Variants in NFASC observed in about 807,000 individuals in gnomAD.
NFASC encodes the protein neurofascin, also known as neurofascin homolog.
In NFASC, 43 loss-of-function variants were observed where a neutral mutation model predicts 147.5. The ratio of observed to expected loss-of-function variants is 0.29; its 90% CI spans 0.23 to 0.38. The LOEUF (loss-of-function observed/expected upper bound fraction) is 0.38, where lower values mean the gene tolerates loss of function less well. Ranked by LOEUF, NFASC falls within the 10% of genes least tolerant of loss-of-function variation. NFASC has a pLI of 1.00. For synonymous variants in NFASC, 622 were observed against 665.5 expected (o/e 0.93, Z 1.01); for missense variants, 1,320 against 1,689.0 (o/e 0.78, Z 3.83).
chr1:204,968,077 C>T lies in NFASC; in HGVS notation c.707-172C>T. ...TCTCATGTAGGTGGGGCTGAGGAGCCCTGGGCTTCCTAACACACCTCACTT... is the reference window on the plus strand; with the variant it reads ...TCTCATGTAGGTGGGGCTGAGGAGCTCTGGGCTTCCTAACACACCTCACTT... On this transcript the variant is annotated intron_variant, in intron 8 of 29. Coordinates refer to ENST00000339876, the MANE Select transcript of NFASC (RefSeq NM_001005388.3). This position sits in a 1 kb window ranked among gnomAD's most constrained non-coding sequence, Gnocchi z 5.4. 1.7e-6 allele frequency: 1 copy of T among 588,532 alleles called. No homozygotes were observed. Among genetic ancestry groups the T allele is most frequent in the Non-Finnish European group, 3.1e-6 (1 of 326,160 alleles). The allele number at this position is 588,532 out of a possible 1,614,324, so 36.5% of individuals were successfully genotyped here.
chr1:204,968,195 TG>T lies in NFASC; in HGVS notation c.707-50del. ...CTCTAGCCTGACAGCGTTGGCCTAG[TG>T]GGGTCTGCCTTCTGGAAGGAGGCTC... On this transcript the variant is annotated intron_variant, in intron 8 of 29. Coordinates refer to ENST00000339876, the MANE Select transcript of NFASC (RefSeq NM_001005388.3). This position sits in a 1 kb window ranked among gnomAD's most constrained non-coding sequence, Gnocchi z 5.4. 1 of 1,330,604 alleles carries T rather than the reference TG, an allele frequency of 7.5e-7. No homozygotes were observed. Among genetic ancestry groups the T allele is most frequent in the Non-Finnish European group, 1.1e-6 (1 of 922,338 alleles). 82.4% of individuals were successfully genotyped at this position (1,330,604 alleles called of 1,614,324 possible). A position where few individuals can be genotyped will look rare whatever the true frequency, so the allele number is the denominator to read the frequency against.
chr1:204,872,153 C>G (rs73077689), intron 1 of NFASC, among the ~76,000 whole-genome samples: 5,430 of 152,348 alleles, frequency 0.036, 263 homozygotes, highest in African/African-American at 0.11. Context: ...CAGACCAATT[C>G]AACCTTCCCA....
intron 1 of NFASC, among the ~76,000 whole-genome samples, chr1:204,917,171 C>T (rs976065593): frequency 1.3e-5 from 2 of 152,120 alleles, no homozygotes; most frequent in Admixed American, 6.5e-5. Context: ...GAGCTGTGAT[C>T]GTGCCACTCT....
rs370375266 is a variant in NFASC, at chr1:205,002,685, C to A, written c.3226C>A (p.Arg1076=). 11 of 1,583,998 alleles carry A rather than the reference C, an allele frequency of 6.9e-6. No homozygotes were observed. Among genetic ancestry groups the A allele is most frequent in the African/African-American group, 1.3e-5 (1 of 74,398 alleles). The stretch of plus-strand genomic sequence containing the variant: ...CTATCCCGGGATGACATACACGTTG[C>A]GGGTTTATTCCCGGGACAACGAGGG... ...DLYPGMTYTL[R]VYSRDNEGIS... The change falls in exon 27 of 30, where the codon CGG becomes AGG. Residue 1076 remains arginine (R), a synonymous_variant. Transcript: ENST00000339876.
Position 205,009,688 on chromosome 1 carries a change from G to A in NFASC, c.3421G>A (p.Val1141Ile), listed in dbSNP as rs1451744191. ...IKRSRGGKYP[V>I]REKKDVPLGP... ...GAGGAGTCGCGGCGGCAAGTACCCA[G>A]GTGAGATGTGCAAGAGGCGTGGGCT... is the stretch of plus-strand genomic sequence containing the variant. The change falls in exon 28 of 30, where the codon GTA becomes ATA. Residue 1141 changes from valine (V) to isoleucine (I), a missense_variant and splice_region_variant. Physicochemically the swap from Val to Ile is conservative, Grantham distance 29. Around this residue, in one of 3 missense-constraint regions of NFASC, gnomAD observed 167 missense variants for 233.8 expected, o/e 0.71. Transcript: ENST00000339876. 9 of 1,613,686 alleles carry A rather than the reference G, an allele frequency of 5.6e-6. No homozygotes were observed. The highest frequency in any genetic ancestry group is 7.6e-6 in the Non-Finnish European group (9 of 1,179,870).
chr1:204,979,606 C>T lies in NFASC; in HGVS notation c.2176+47C>T, dbSNP rs1176471325. 2 of 1,536,682 alleles carry T rather than the reference C, an allele frequency of 1.3e-6. No homozygotes were observed. The highest frequency in any genetic ancestry group is 1.4e-5 in the African/African-American group (1 of 73,588). ...GAGAAGGCTCCGGAACCCCGCACCC[C>T]AAACTCACACTGAGATCCCCCCATT... On this transcript the variant is annotated intron_variant, in intron 19 of 29. Transcript: ENST00000339876. The surrounding 1 kb of genome is among the most constrained non-coding windows in gnomAD (Gnocchi z 6.0).
Position 204,920,691 on chromosome 1 carries a change from AC to A in NFASC, c.-139del. 1 of 1,289,664 alleles carries A rather than the reference AC, an allele frequency of 7.8e-7. No homozygotes were observed. The highest frequency in any genetic ancestry group is 1.0e-6 in the Non-Finnish European group (1 of 988,816). 79.9% of individuals were successfully genotyped at this position (1,289,664 alleles called of 1,614,324 possible). On this transcript the variant is annotated 5_prime_UTR_variant, in exon 2 of 30. The change creates a premature stop within an existing upstream ORF in the 5' untranslated region. Transcript: ENST00000339876. ...GTTTACCTTCCCTCCGCAGCCTGGA[AC>A]AGAGCCTCCTCTGGTGTTGCAAGGA...
Position 204,968,812 on chromosome 1 carries a change from T to C in NFASC, c.833T>C (p.Ile278Thr). The part of the protein sequence containing the change: ...CIASGVPTPD[I>T]AWYKKGGDLP... ...GCCTCTCCTAGCCCAACACCAGACA[T>C]CGCATGGTACAAGAAAGGTGGGGAC... The change falls in exon 10 of 30, where the codon ATC (isoleucine) becomes ACC (threonine). Residue 278 changes from isoleucine (I) to threonine (T), a missense_variant. Physicochemically the swap from Ile to Thr is moderately conservative, Grantham distance 89 (BLOSUM62 -1). Transcript: ENST00000339876. The surrounding 1 kb of genome is among the most constrained non-coding windows in gnomAD (Gnocchi z 5.4). 6.2e-7 allele frequency: 1 copy of C among 1,613,166 alleles called. No homozygotes were observed. The highest frequency in any genetic ancestry group is 1.3e-5 in the African/African-American group (1 of 74,974).
chr1:204,982,068 T>A (rs1574100270), intron 21 of NFASC, 48 bp downstream of exon 21: 1 of 1,313,210 alleles, frequency 7.6e-7, no homozygotes, highest in East Asian at 2.8e-5. Context: ...TGTGGCTAGG[T>A]CGCACGAGGC....
intron 1 of NFASC, among the ~76,000 whole-genome samples, chr1:204,899,223 T>G (rs960082637): frequency 2.0e-5 from 3 of 152,244 alleles, no homozygotes; most frequent in Non-Finnish European, 4.4e-5. Flanking sequence ...ACAATCTGCT[T>G]CTTCTTGCCT....
At chr1:205,011,025 A>G (rs2096245065) in intron 28 of NFASC, 1 of 152,206 alleles carries the variant, frequency 6.6e-6, no homozygotes, top group African/African-American at 2.4e-5. Flanking sequence ...CAAGAGAGCC[A>G]TCTGTCTGTG....
Position 204,880,457 on chromosome 1 carries a change from G to A in NFASC, c.-199-40175G>A, listed in dbSNP as rs528094640. On this transcript the variant is annotated intron_variant, in intron 1 of 29. Transcript: ENST00000339876. Reference sequence around the variant, plus strand: ...TGCAAGCTCCGCCTCCCAGGTTCACGCCATTCTCCTGCCTCAGCCTCCCAA... The same window carrying A: ...TGCAAGCTCCGCCTCCCAGGTTCACACCATTCTCCTGCCTCAGCCTCCCAA... Among the ~76,000 whole-genome samples the A allele has an allele frequency of 1.9e-4, 29 of 152,228 alleles. No homozygotes were observed. In the South Asian group the frequency reaches 5.2e-3, roughly 27 times the overall value.
intron 1 of NFASC, among the ~76,000 whole-genome samples, chr1:204,845,108 T>C (rs2102570323): frequency 6.6e-6 from 1 of 152,258 alleles, no homozygotes; most frequent in African/African-American, 2.4e-5. Flanking sequence ...ATCTGTGTTT[T>C]ACTGTCCACT....
At chr1:204,947,966 ATG>A (rs2093881565) in intron 3 of NFASC, among the ~76,000 whole-genome samples, 1 of 152,004 alleles carries the variant, frequency 6.6e-6, no homozygotes, top group Non-Finnish European at 1.5e-5. Flanking sequence ...GCTCACACTC[ATG>A]CACACTCACA....
At chr1:204,959,073 C>A (rs1248629030) in intron 8 of NFASC, among the ~76,000 whole-genome samples, 2 of 133,018 alleles carry the variant, frequency 1.5e-5, no homozygotes, top group African/African-American at 5.5e-5. Context: ...TTTTTTTTTT[C>A]TTTCACCTTT....
At chr1:204,917,052 C>T (rs1241197451) in intron 1 of NFASC, among the ~76,000 whole-genome samples, 2 of 152,058 alleles carry the variant, frequency 1.3e-5, no homozygotes, top group African/African-American at 4.8e-5. Context: ...CTCATCTCTA[C>T]AAAAAATAAA....
At chr1:204,980,334 A>G (rs781011304) in intron 19 of NFASC, 36 bp from the exon 20 acceptor site, 1 of 1,589,012 alleles carries the variant, frequency 6.3e-7, no homozygotes, top group Admixed American at 1.7e-5. Context: ...GGAAAGGCAC[A>G]AATTGGACTT....
At position 204,972,254 on chromosome 1, in the gene NFASC, C is replaced by T. The variant is rs181413660; in HGVS notation, c.1136-1022C>T. ...GTCATCTTGAATGCGTTCATGTACTCTGTAAGCTAAGTCATCAGCTTCCTA... is the reference window on the plus strand; with the variant it reads ...GTCATCTTGAATGCGTTCATGTACTTTGTAAGCTAAGTCATCAGCTTCCTA... On this transcript the variant is annotated intron_variant, in intron 11 of 29. Coordinates refer to ENST00000339876, the MANE Select transcript of NFASC (RefSeq NM_001005388.3). Among the ~76,000 whole-genome samples, 201 of 152,330 alleles carry T rather than the reference C, an allele frequency of 1.3e-3. 1 individual carries two copies. Among genetic ancestry groups the T allele is most frequent in the Admixed American group, 3.1e-3 (48 of 15,302 alleles).
Position 204,958,046 on chromosome 1 carries a change from C to T in NFASC, c.706+220C>T, listed in dbSNP as rs538387676. ...CTTGGTCCTACTCTAAGTCAATCCTCCTCAAATTCTGGTGGGAATCAGAAT... is the reference window on the plus strand; with the variant it reads ...CTTGGTCCTACTCTAAGTCAATCCTTCTCAAATTCTGGTGGGAATCAGAAT... On this transcript the variant is annotated intron_variant, in intron 8 of 29. Transcript: ENST00000339876. 1.1e-3 allele frequency among the ~76,000 whole-genome samples: 174 copies of T among 152,284 alleles called. 1 individual carries two copies. Among genetic ancestry groups the T allele is most frequent in the African/African-American group, 4.0e-3 (168 of 41,534 alleles).
Sources: gnomAD v4.1 joint callset for allele counts (sites outside exome capture counted in the v4.1 genomes callset) on GRCh38, gnomAD v4.1.1 for gene constraint, gnomAD v4.1.1 regional missense constraint, Gnocchi (gnomAD v3.1) non-coding constraint, MANE v1.5 for transcripts, NCBI Gene and HGNC (gene_info 2026-07-23, HGNC 2026-07-21) for gene names.